TUT4: variants seen among roughly 807,000 people sequenced by gnomAD.
The protein encoded by TUT4 is terminal uridylyl transferase 4.
Under a neutral mutation model 192.2 loss-of-function variants are expected in TUT4, and 36 were observed. The observed-to-expected ratio is 0.19, with a 90% CI of 0.14 to 0.25. The LOEUF (loss-of-function observed/expected upper bound fraction) is 0.25. TUT4 is among the 10% of genes least tolerant of loss of function. The pLI is 1.00. For missense variants in TUT4, 1,493 were observed against 1,957.2 expected, an observed-to-expected ratio of 0.76 and a Z score of 4.47; for synonymous variants, 618 against 666.0, an observed-to-expected ratio of 0.93 and a Z score of 1.11.
intron 11 of TUT4, among the ~76,000 whole-genome samples, chr1:52,478,305 TTTTTCC>T (rs1421264164): frequency 1.3e-5 from 2 of 152,192 alleles, no homozygotes; most frequent in African/African-American, 4.8e-5. Context: ...CTACAACTCG[TTTTTCC>T]AATAATTAAT....
chr1:52,439,228 T>A (rs1167046100), intron 24 of TUT4, among the ~76,000 whole-genome samples: 1 of 152,144 alleles, frequency 6.6e-6, no homozygotes, highest in East Asian at 1.9e-4. Context: ...AAACTCTGTC[T>A]CTAAAAACTA....
chr1:52,437,775 G>T (rs1654260046), intron 25 of TUT4: 1 of 152,916 alleles, frequency 6.5e-6, no homozygotes, highest in Non-Finnish European at 1.5e-5. Context: ...CAATGTTGGT[G>T]AAACTCCATC....
chr1:52,549,624 T>C (rs1457426155), intron 1 of TUT4, among the ~76,000 whole-genome samples: 6 of 152,216 alleles, frequency 3.9e-5, no homozygotes, highest in Admixed American at 1.3e-4. Flanking sequence ...TTTCCCATTC[T>C]AAATAATTGA....
At chr1:52,469,025 CAGA>C (rs1202493471) in intron 14 of TUT4, among the ~76,000 whole-genome samples, 2 of 142,964 alleles carry the variant, frequency 1.4e-5, no homozygotes, top group Non-Finnish European at 3.0e-5. Flanking sequence ...TCAGTGCTTA[CAGA>C]AGAAGGGGAG....
intron 20 of TUT4, among the ~76,000 whole-genome samples, chr1:52,447,731 C>G (rs1385433095): frequency 6.6e-6 from 1 of 152,180 alleles, no homozygotes; most frequent in African/African-American, 2.4e-5. Context: ...GACCTAATTT[C>G]TAGCCTCTAT....
chr1:52,513,393 C>CAAAAAA (rs554170439), intron 3 of TUT4, among the ~76,000 whole-genome samples: 4 of 42,090 alleles, frequency 9.5e-5, no homozygotes, highest in Non-Finnish European at 1.6e-4. Context: ...GACCCTGTCT[C>CAAAAAA]AAAAAAAAAA....
intron 10 of TUT4, 61 bp downstream of exon 10, chr1:52,481,743 G>A (rs1668522139): frequency 1.9e-6 from 3 of 1,544,718 alleles, no homozygotes. Context: ...TTTGAGCAGA[G>A]TTCTCTGCAA....
intron 11 of TUT4, among the ~76,000 whole-genome samples, chr1:52,480,053 G>T (rs902730428): frequency 1.3e-5 from 2 of 151,698 alleles, no homozygotes; most frequent in African/African-American, 4.8e-5. Context: ...ACAATAAATG[G>T]GCAGTTGGTT....
At chr1:52,483,500 A>C (rs1205638301) in intron 9 of TUT4, among the ~76,000 whole-genome samples, 1 of 152,144 alleles carries the variant, frequency 6.6e-6, no homozygotes, top group African/African-American at 2.4e-5. Flanking sequence ...CTGCACATTC[A>C]ATCAACTGCA....
intron 1 of TUT4, among the ~76,000 whole-genome samples, chr1:52,541,784 A>G (rs1222121155): frequency 1.3e-5 from 2 of 152,236 alleles, no homozygotes; most frequent in African/African-American, 4.8e-5. Flanking sequence ...ACTCAAGAAA[A>G]TGAAAAAACA....
chr1:52,546,049 G>C (rs778814766), intron 1 of TUT4, among the ~76,000 whole-genome samples: 27 of 152,016 alleles, frequency 1.8e-4, no homozygotes, highest in Non-Finnish European at 2.8e-4. Context: ...TGAGGTGGGA[G>C]GATGGCTTGA....
At chr1:52,471,641 G>GA (rs140267440) in intron 14 of TUT4, among the ~76,000 whole-genome samples, 9,350 of 152,206 alleles carry the variant, frequency 0.061, 310 homozygotes, top group South Asian at 0.086. Flanking sequence ...TAAAACTGAA[G>GA]AACTTGGTTT....
In TUT4 at chr1:52,471,831, G is replaced by T. The variant is rs1183945591; in HGVS notation, c.2878+121C>A. The T allele has an allele frequency of 8.0e-6, 8 of 997,016 alleles. No individual in the cohort carries two copies. In the East Asian group the frequency reaches 1.9e-4, roughly 23 times the overall value. The allele number at this position is 997,016 out of a possible 1,614,324, so 61.8% of individuals were successfully genotyped here. A position where few individuals can be genotyped will look rare whatever the true frequency, so the allele number is the denominator to read the frequency against. On this transcript the variant is annotated intron_variant, in intron 14 of 29. Coordinates refer to ENST00000257177, the MANE Select transcript of TUT4 (RefSeq NM_001009881.3). ...TCATTTAGTAAATATCTGTGCTTGG[G>T]TATCTATTCAAAAACCTCTAGCAAA...
At chr1:52,503,147 ATTAAATCTAGTT>A (rs1174003582) in intron 4 of TUT4, among the ~76,000 whole-genome samples, 28 of 152,194 alleles carry the variant, frequency 1.8e-4, no homozygotes, top group Admixed American at 1.8e-3. Flanking sequence ...GGAACTGAGA[ATTAAATCTAGTT>A]CTAACTCCAA....
chr1:52,438,155 T>C (rs1654400789), intron 25 of TUT4, 65 bp downstream of exon 25: 3 of 1,243,156 alleles, frequency 2.4e-6, no homozygotes, highest in Non-Finnish European at 3.5e-6. Flanking sequence ...CTGAACATAA[T>C]TATAGCTACA....
chr1:52,463,545 G>A, intron 16 of TUT4: 1 of 1,178,950 alleles, frequency 8.5e-7, no homozygotes, highest in Non-Finnish European at 1.1e-6. Flanking sequence ...TAATGTAACA[G>A]AGGCGATACT....
intron 1 of TUT4, among the ~76,000 whole-genome samples, chr1:52,537,020 C>T (rs1321063784): frequency 6.6e-6 from 1 of 151,714 alleles, no homozygotes; most frequent in African/African-American, 2.4e-5. Context: ...ATTAGCCGGG[C>T]ATGGTGGCGT....
intron 4 of TUT4, among the ~76,000 whole-genome samples, chr1:52,497,529 G>A (rs1406572990): frequency 6.6e-6 from 1 of 152,218 alleles, no homozygotes; most frequent in Non-Finnish European, 1.5e-5. Flanking sequence ...CTTAGATGTA[G>A]CAGAAAAGTC....
chr1:52,457,227 CT>C (rs1180296701), intron 20 of TUT4, among the ~76,000 whole-genome samples: 2 of 151,388 alleles, frequency 1.3e-5, no homozygotes, highest in African/African-American at 4.9e-5. Context: ...TGTGATTTTT[CT>C]TTTTTTTCTT....
Sources: allele counts gnomAD v4.1 joint callset (sites outside exome capture counted in the v4.1 genomes callset), GRCh38; gene constraint gnomAD v4.1.1; transcripts MANE v1.5; gene names NCBI Gene and HGNC (gene_info 2026-07-23, HGNC 2026-07-21).